Variants in MTRR observed in about 807,000 individuals in gnomAD.
MTRR encodes the protein methionine synthase reductase.
A neutral mutation model predicts 79.2 loss-of-function variants in MTRR; 63 were observed. That is an observed-to-expected ratio of 0.80 (90% confidence interval 0.65 to 0.98). MTRR has a LOEUF of 0.98. MTRR is among the 50% of genes least tolerant of loss of function. The pLI, the probability that MTRR is intolerant of heterozygous loss-of-function variation, is 0.00. For missense variants in MTRR, 895 were observed against 839.6 expected (o/e 1.07, Z -0.82); for synonymous variants, 355 against 313.3 (o/e 1.13, Z -1.41).
chr5:7,868,017 C>A, upstream of MTRR: 1 of 1,613,828 alleles, frequency 6.2e-7, no homozygotes, highest in South Asian at 1.1e-5. Context: ...TTTAAAGCAG[C>A]CAGAGCTCTA....
In MTRR at chr5:7,899,850, A is replaced by G. The variant is rs1029165732; in HGVS notation, c.1953-64A>G. On this transcript the variant is annotated intron_variant, in intron 14 of 14. Transcript: ENST00000440940. ...ACAGTCAAAAGGAATTAGACTTGTG[A>G]ATTAAGGAGGATTTACTAAAAATGC... The G allele has an allele frequency of 7.6e-6, 12 of 1,589,280 alleles. No individual in the cohort carries two copies. The African/African-American group carries it at 1.3e-4, about 18-fold the overall frequency.
rs150934585 is a variant in MTRR, at chr5:7,853,910, A to G, written n.391+2325A>G. 2.2e-3 allele frequency among the ~76,000 whole-genome samples: 335 copies of G among 152,258 alleles called. 1 individual carries two copies. Among genetic ancestry groups the G allele is most frequent in the Non-Finnish European group, 3.4e-3 (234 of 68,016 alleles). ...ATGCTTCTTTCATGAGGTGAGTCAT[A>G]GCCCCACGGAATGGTCCACCAGAGA... On this transcript the variant is annotated intron_variant and non_coding_transcript_variant, in intron 1 of 3. Coordinates refer to the MTRR transcript ENST00000502509.
At position 7,897,049 on chromosome 5, in the gene MTRR, ATATAT is replaced by A; in HGVS notation, c.1770-9_1770-5del. ...CTTGACAACCTTTTAGTGATCCATT[ATATAT>A]TATATTTCAGAAAAGAGCTCAGACA... On this transcript the variant is annotated splice_polypyrimidine_tract_variant and intron_variant, in intron 13 of 14. Coordinates refer to ENST00000440940, the MANE Select transcript of MTRR (RefSeq NM_002454.3). The A allele has an allele frequency of 6.2e-7, 1 of 1,612,738 alleles. No homozygotes were observed. The highest frequency in any genetic ancestry group is 8.5e-7 in the Non-Finnish European group (1 of 1,178,824).
At chr5:7,876,350 C>T (rs867607540) in intron 4 of MTRR, among the ~76,000 whole-genome samples, 1 of 152,176 alleles carries the variant, frequency 6.6e-6, no homozygotes, top group African/African-American at 2.4e-5. Context: ...TTGCCAGAAG[C>T]TCATTGACAT....
chr5:7,880,914 C>T (rs11949523), intron 5 of MTRR, among the ~76,000 whole-genome samples: 21,348 of 152,128 alleles, frequency 0.14, 1,908 homozygotes, highest in Non-Finnish European at 0.2. Context: ...AATGTTTGCA[C>T]ATTCCCCTTA....
chr5:7,856,725 G>A (rs1486796301), intron 1 of MTRR: 2 of 151,010 alleles, frequency 1.3e-5, no homozygotes, highest in East Asian at 1.9e-4. Flanking sequence ...CTGGATTTGC[G>A]CACATCATCT....
At chr5:7,875,981 G>A (rs1454684838) in intron 4 of MTRR, among the ~76,000 whole-genome samples, 6 of 152,190 alleles carry the variant, frequency 3.9e-5, no homozygotes, top group Non-Finnish European at 7.3e-5. Flanking sequence ...TTTATTCAGT[G>A]GTCCTACAGA....
At position 7,900,166 on chromosome 5, in the gene MTRR, A is replaced by G. The variant is rs1216493683; in HGVS notation, c.*108A>G. Reference sequence around the variant, plus strand: ...TTTCAAAAGAAAATTTTCTTTCAACATTTCTTGAAGGACATGGAGTGGAGA... The same window carrying G: ...TTTCAAAAGAAAATTTTCTTTCAACGTTTCTTGAAGGACATGGAGTGGAGA... On this transcript the variant is annotated 3_prime_UTR_variant, in exon 15 of 15. Coordinates refer to ENST00000440940, the MANE Select transcript of MTRR (RefSeq NM_002454.3). The G allele has an allele frequency of 5.2e-6, 7 of 1,337,152 alleles. No individual in the cohort carries two copies. Among genetic ancestry groups the G allele is most frequent in the East Asian group, 2.4e-5 (1 of 41,766 alleles). The allele number at this position is 1,337,152 out of a possible 1,614,324, so 82.8% of individuals were successfully genotyped here.
chr5:7,858,675 TC>T (rs1281544797), intron 1 of MTRR, among the ~76,000 whole-genome samples: 1 of 152,108 alleles, frequency 6.6e-6, no homozygotes, highest in Non-Finnish European at 1.5e-5. Flanking sequence ...GTAATTATCA[TC>T]TCAACCTGTT....
At chr5:7,879,710 T>A (rs1203324551) in intron 5 of MTRR, among the ~76,000 whole-genome samples, 2 of 152,180 alleles carry the variant, frequency 1.3e-5, no homozygotes, top group East Asian at 3.9e-4. Flanking sequence ...TTGGGCACAG[T>A]GAGAAGCTGA....
intron 10 of MTRR, 32 bp from the exon 11 acceptor site, chr5:7,892,695 C>T (rs760883244): frequency 6.8e-6 from 11 of 1,609,606 alleles, no homozygotes; most frequent in Admixed American, 5.0e-5. Flanking sequence ...GTACTGATAT[C>T]GAGTTCAAAA....
intron 4 of MTRR, among the ~76,000 whole-genome samples, chr5:7,876,250 A>G (rs1324478957): frequency 2.0e-5 from 3 of 152,180 alleles, no homozygotes; most frequent in African/African-American, 7.2e-5. Context: ...TATCGCCAGC[A>G]CACATATTCT....
chr5:7,863,784 T>C (rs1265636089), intron 2 of MTRR, among the ~76,000 whole-genome samples: 2 of 152,206 alleles, frequency 1.3e-5, no homozygotes, highest in South Asian at 2.1e-4. Flanking sequence ...ATGCTGACTA[T>C]AGTTAATAAG....
intron 10 of MTRR, 25 bp downstream of exon 10, chr5:7,891,439 T>C (rs780935850): frequency 1.3e-5 from 20 of 1,583,832 alleles, no homozygotes; most frequent in Non-Finnish European, 1.6e-5. Flanking sequence ...TCACGTAATA[T>C]ATAGCATTGT....
intron 5 of MTRR, among the ~76,000 whole-genome samples, chr5:7,880,539 T>G (rs1735415031): frequency 1.3e-5 from 2 of 152,200 alleles, no homozygotes; most frequent in Admixed American, 6.5e-5. Context: ...TTTGCAGTGG[T>G]CAAACTGGTG....
intron 6 of MTRR, chr5:7,885,104 C>G (rs1736194700): frequency 6.4e-6 from 1 of 157,156 alleles, no homozygotes; most frequent in African/African-American, 2.4e-5. Flanking sequence ...CACTCTGGGG[C>G]TTAGAGGCAA....
chr5:7,853,197 C>T (rs1352727040), intron 1 of MTRR, among the ~76,000 whole-genome samples: 2 of 152,126 alleles, frequency 1.3e-5, no homozygotes, highest in Non-Finnish European at 2.9e-5. Context: ...GGGCCATTTC[C>T]CCCATGCTGT....
At chr5:7,879,536 TTAA>T (rs1262440656) in intron 5 of MTRR, among the ~76,000 whole-genome samples, 1 of 151,754 alleles carries the variant, frequency 6.6e-6, no homozygotes, top group South Asian at 2.1e-4. Flanking sequence ...GCTTGAGTTG[TTAA>T]TAATGTAGTT....
intron 2 of MTRR, chr5:7,862,751 T>C (rs1746640279): frequency 7.6e-7 from 1 of 1,307,688 alleles, no homozygotes; most frequent in African/African-American, 1.5e-5. Context: ...CTATTGCTTC[T>C]AAGTCCCATA....
Sources: allele counts gnomAD v4.1 joint callset (sites outside exome capture counted in the v4.1 genomes callset), GRCh38; gene constraint gnomAD v4.1.1; transcripts MANE v1.5; gene names NCBI Gene and HGNC (gene_info 2026-07-23, HGNC 2026-07-21).